The following TUSC3 variants were observed in gnomAD, a reference collection of about 807,000 sequenced individuals.
TUSC3 encodes the protein dolichyl-diphosphooligosaccharide--protein glycosyltransferase subunit TUSC3.
In TUSC3, 45 loss-of-function variants were observed where a neutral mutation model predicts 44.8. The observed-to-expected ratio is 1.00, with a 90% CI of 0.79 to 1.29. The LOEUF is 1.29. Among genes scored for constraint, TUSC3 ranks in the 50% most tolerant of loss-of-function variants. The probability of loss-of-function intolerance (pLI) is 0.00; values close to 1 mark genes in which losing one functional copy is unlikely to be tolerated. For missense variants in TUSC3, 519 were observed against 437.9 expected (o/e 1.19, Z -1.65); for synonymous variants, 212 against 152.9 (o/e 1.39, Z -2.85).
intron 1 of TUSC3, among the ~76,000 whole-genome samples, chr8:15,430,633 A>G (rs897604839): frequency 1.6e-4 from 25 of 151,654 alleles, no homozygotes; most frequent in Non-Finnish European, 2.1e-4. Flanking sequence ...GGCCAGGGCA[A>G]TCAGGCAGGA....
the TUSC3 span, among the ~76,000 whole-genome samples, chr8:15,800,537 C>A: frequency 2.0e-5 from 3 of 150,914 alleles, no homozygotes; most frequent in African/African-American, 7.3e-5. Context: ...CATGCCACTG[C>A]ACTCCAGCCT....
At chr8:15,796,140 G>A in the TUSC3 span, among the ~76,000 whole-genome samples, 1 of 152,096 alleles carries the variant, frequency 6.6e-6, no homozygotes, top group Admixed American at 6.6e-5. Context: ...CCTTTCCTTT[G>A]TATCCAGTCT....
chr8:15,766,705 C>G (rs921566591), downstream of TUSC3: 3 of 152,094 alleles, frequency 2.0e-5, no homozygotes, highest in Non-Finnish European at 4.4e-5. Context: ...TTGTCAATTA[C>G]AATTCAGCAG....
chr8:15,730,643 T>A, intron 6 of TUSC3, 23 bp from the exon 7 acceptor site: 1 of 1,611,426 alleles, frequency 6.2e-7, no homozygotes, highest in South Asian at 1.1e-5. Context: ...CAGACTGTAA[T>A]TTCTGTTTGT....
the TUSC3 span, among the ~76,000 whole-genome samples, chr8:15,843,621 T>TATATATACACACACACAC: frequency 3.4e-5 from 5 of 146,734 alleles, no homozygotes; most frequent in African/African-American, 1.3e-4. Flanking sequence ...TATATATATA[T>TATATATACACACACACAC]ACACGCACAT....
At chr8:15,555,357 G>C (rs1044968650) in intron 1 of TUSC3, among the ~76,000 whole-genome samples, 3 of 137,240 alleles carry the variant, frequency 2.2e-5, no homozygotes, top group African/African-American at 8.1e-5. Context: ...TGCAGTGCTG[G>C]GGGATCACAG....
intron 2 of TUSC3, among the ~76,000 whole-genome samples, chr8:15,629,581 ACTC>A (rs1805668536): frequency 8.1e-6 from 1 of 123,584 alleles, no homozygotes; most frequent in African/African-American, 3.1e-5. Flanking sequence ...CACGTGAATT[ACTC>A]CTCCTGGGTC....
At chr8:15,485,609 G>A (rs578069940) in intron 2 of TUSC3, among the ~76,000 whole-genome samples, 8 of 151,956 alleles carry the variant, frequency 5.3e-5, no homozygotes, top group Admixed American at 4.6e-4. Context: ...ACTTTCCCAA[G>A]GAGAAATTTC....
chr8:15,700,869 C>CTTTTTTTTTTTTTTTTTTTTTT (rs1332141201), intron 6 of TUSC3, among the ~76,000 whole-genome samples: 29 of 60,300 alleles, frequency 4.8e-4, no homozygotes, highest in African/African-American at 9.4e-4. Context: ...TTTTTTTTTG[C>CTTTTTTTTTTTTTTTTTTTTTT]TTTGCCTGTT....
intron 1 of TUSC3, among the ~76,000 whole-genome samples, chr8:15,565,112 G>A (rs928593974): frequency 4.0e-5 from 6 of 151,746 alleles, no homozygotes; most frequent in African/African-American, 1.5e-4. Flanking sequence ...GTCTCACTGG[G>A]CTAAAGTCAA....
At position 15,764,358 on chromosome 8, in the gene TUSC3, A is replaced by T; in HGVS notation, c.*202A>T. The T allele has an allele frequency of 1.2e-6, 1 of 848,156 alleles. No homozygotes were observed. The highest frequency in any genetic ancestry group is 1.8e-6 in the Non-Finnish European group (1 of 546,160). The allele number at this position is 848,156 out of a possible 1,614,324, so 52.5% of individuals were successfully genotyped here. A position where few individuals can be genotyped will look rare whatever the true frequency, so the allele number is the denominator to read the frequency against. On this transcript the variant is annotated 3_prime_UTR_variant, in exon 11 of 11. Coordinates refer to ENST00000503731, the MANE Select transcript of TUSC3 (RefSeq NM_006765.4). ...CTTTTTTTAAACTGTGGGTTTTCCT[A>T]GTAAATTTAATTTACAGAAATCAAT...
the TUSC3 span, among the ~76,000 whole-genome samples, chr8:15,775,443 A>G: frequency 1.3e-5 from 2 of 152,020 alleles, no homozygotes; most frequent in South Asian, 4.1e-4. Flanking sequence ...GTTTAAAATG[A>G]TTAATTTTAT....
intron 1 of TUSC3, among the ~76,000 whole-genome samples, chr8:15,457,883 C>G (rs539869366): frequency 1.4e-5 from 2 of 141,384 alleles, no homozygotes; most frequent in Non-Finnish European, 3.1e-5. Flanking sequence ...TAGATAATTA[C>G]TAATTAATTA....
intron 1 of TUSC3, among the ~76,000 whole-genome samples, chr8:15,480,827 C>A (rs936455933): frequency 4.6e-5 from 7 of 152,152 alleles, no homozygotes; most frequent in Non-Finnish European, 1.0e-4. Context: ...TAATTACATT[C>A]TAAGGTACTG....
intron 6 of TUSC3, among the ~76,000 whole-genome samples, chr8:15,686,184 A>G (rs143307404): frequency 2.0e-4 from 31 of 152,204 alleles, no homozygotes; most frequent in Non-Finnish European, 3.8e-4. Context: ...ATACAAACAT[A>G]TGGTTACATA....
chr8:15,573,225 TATATAA>T (rs1321304635), intron 1 of TUSC3, among the ~76,000 whole-genome samples: 2 of 130,526 alleles, frequency 1.5e-5, no homozygotes, highest in Admixed American at 7.5e-5. Context: ...TATATATATA[TATATAA>T]AAGTTTTTTT....
At chr8:15,792,830 G>T in the TUSC3 span, among the ~76,000 whole-genome samples, 1 of 151,930 alleles carries the variant, frequency 6.6e-6, no homozygotes, top group Admixed American at 6.6e-5. Flanking sequence ...CGTTGCCCAA[G>T]CTGGTCTCAA....
At position 15,501,871 on chromosome 8, in the gene TUSC3, T is replaced by C. The variant is rs531814937; in HGVS notation, n.189+18388T>C. 1.3e-4 allele frequency among the ~76,000 whole-genome samples: 20 copies of C among 152,342 alleles called. No homozygotes were observed. The South Asian group carries it at 4.1e-3, about 32-fold the overall frequency. On this transcript the variant is annotated intron_variant and non_coding_transcript_variant, in intron 2 of 5. Transcript: ENST00000503191. ...AAAAATCAAATTGTATTTGAAAAAGTATTTAATAACACAGTCTCTTATCCT... is the reference window on the plus strand; with the variant it reads ...AAAAATCAAATTGTATTTGAAAAAGCATTTAATAACACAGTCTCTTATCCT...
At chr8:15,750,791 C>G (rs779663883) in intron 9 of TUSC3, among the ~76,000 whole-genome samples, 5 of 152,064 alleles carry the variant, frequency 3.3e-5, no homozygotes, top group Non-Finnish European at 7.4e-5. Flanking sequence ...CAGCTCCCCA[C>G]CAGCCTAACA....
Sources: gnomAD v4.1 joint callset for allele counts (sites outside exome capture counted in the v4.1 genomes callset) on GRCh38, gnomAD v4.1.1 for gene constraint, MANE v1.5 for transcripts, NCBI Gene and HGNC (gene_info 2026-07-23, HGNC 2026-07-21) for gene names.